ATP8A1: variants seen among roughly 807,000 people sequenced by gnomAD.
ATP8A1 encodes the protein ATPase phospholipid transporting 8A1, also known as phospholipid-transporting ATPase IA.
A neutral mutation model predicts 177.7 loss-of-function variants in ATP8A1; 90 were observed. That is an observed-to-expected ratio of 0.51 (90% CI 0.43 to 0.60). ATP8A1 has a LOEUF of 0.60. ATP8A1 is among the 20% of genes least tolerant of loss of function. The probability of loss-of-function intolerance (pLI) is 0.00; values close to 1 mark genes in which losing one functional copy is unlikely to be tolerated. For synonymous variants in ATP8A1, 493 were observed against 485.9 expected (o/e 1.01, Z -0.19); for missense variants, 1,072 against 1,392.8 (o/e 0.77, Z 3.67).
At chr4:42,473,102 G>C (rs1170096404) in intron 25 of ATP8A1, among the ~76,000 whole-genome samples, 2 of 152,178 alleles carry the variant, frequency 1.3e-5, no homozygotes, top group Non-Finnish European at 2.9e-5. Context: ...TGAAAAGTTG[G>C]AATTGGACTT....
At chr4:42,566,458 T>C (rs553596471) in intron 15 of ATP8A1, among the ~76,000 whole-genome samples, 10 of 152,300 alleles carry the variant, frequency 6.6e-5, no homozygotes, top group Non-Finnish European at 7.4e-5. Flanking sequence ...GATCACACTT[T>C]TGATCTTGGT....
At chr4:42,649,608 T>C (rs144582907) in intron 1 of ATP8A1, among the ~76,000 whole-genome samples, 73 of 152,276 alleles carry the variant, frequency 4.8e-4, no homozygotes, top group African/African-American at 1.7e-3. Flanking sequence ...AGTTAAGCTC[T>C]TCCATTAAAA....
intron 15 of ATP8A1, among the ~76,000 whole-genome samples, chr4:42,558,066 A>AC (rs1730433065): frequency 6.6e-6 from 1 of 151,736 alleles, no homozygotes; most frequent in Admixed American, 6.6e-5. Flanking sequence ...AAAAACAAAA[A>AC]AACCAGAAAC....
intron 22 of ATP8A1, among the ~76,000 whole-genome samples, chr4:42,520,140 G>A (rs1441374407): frequency 2.0e-5 from 3 of 152,118 alleles, no homozygotes; most frequent in East Asian, 1.9e-4. Context: ...AAAAACTCTA[G>A]GGCATCCAGA....
intron 30 of ATP8A1, among the ~76,000 whole-genome samples, chr4:42,447,318 G>A (rs1295363598): frequency 2.0e-5 from 3 of 152,096 alleles, no homozygotes; most frequent in Admixed American, 2.0e-4. Context: ...GAGTAGCTGG[G>A]ATTATAGGTG....
At chr4:42,500,207 A>C (rs1211671001) in intron 24 of ATP8A1, among the ~76,000 whole-genome samples, 2 of 152,274 alleles carry the variant, frequency 1.3e-5, no homozygotes, top group African/African-American at 2.4e-5. Context: ...TCTACTAAAA[A>C]TACAAAAATT....
chr4:42,501,165 C>T (rs1212899913), intron 24 of ATP8A1, among the ~76,000 whole-genome samples: 49 of 152,106 alleles, frequency 3.2e-4, no homozygotes, highest in Non-Finnish European at 4.4e-5. Flanking sequence ...ACAGTTGTAA[C>T]TTGCCACCTT....
At chr4:42,555,139 AATCTATCT>A (rs1553903247) in intron 16 of ATP8A1, among the ~76,000 whole-genome samples, 1,231 of 59,226 alleles carry the variant, frequency 0.021, 15 homozygotes, top group African/African-American at 0.024. Context: ...CTATCTATCT[AATCTATCT>A]ATCTATCTAT....
intron 1 of ATP8A1, among the ~76,000 whole-genome samples, chr4:42,634,387 C>T (rs77708090): frequency 0.024 from 3,672 of 152,216 alleles, 155 homozygotes; most frequent in African/African-American, 0.081. Flanking sequence ...ATGTATTGTT[C>T]AAATTAATTT....
At chr4:42,532,429 T>A (rs1560428874) in intron 20 of ATP8A1, among the ~76,000 whole-genome samples, 3 of 151,940 alleles carry the variant, frequency 2.0e-5, no homozygotes, top group Non-Finnish European at 4.4e-5. Context: ...GAGGTTGTAG[T>A]GAGCTGAGAT....
At chr4:42,600,822 G>T (rs1300652770) in intron 5 of ATP8A1, among the ~76,000 whole-genome samples, 1 of 152,080 alleles carries the variant, frequency 6.6e-6, no homozygotes, top group Non-Finnish European at 1.5e-5. Context: ...CAAAAATGAT[G>T]TGAAAAAGGA....
intron 31 of ATP8A1, among the ~76,000 whole-genome samples, chr4:42,444,889 C>A (rs769257365): frequency 6.6e-6 from 1 of 152,204 alleles, no homozygotes; most frequent in East Asian, 1.9e-4. Flanking sequence ...ACAGCCTGAC[C>A]CTCCATCCAC....
At chr4:42,528,979 TG>T (rs775335847) in intron 20 of ATP8A1, among the ~76,000 whole-genome samples, 39 of 152,330 alleles carry the variant, frequency 2.6e-4, no homozygotes, top group Non-Finnish European at 4.6e-4. Flanking sequence ...TTGTTGCATT[TG>T]GCCCCTCCTA....
chr4:42,417,710 T>C (rs900400584), intron 35 of ATP8A1, among the ~76,000 whole-genome samples: 2 of 152,240 alleles, frequency 1.3e-5, no homozygotes, highest in African/African-American at 2.4e-5. Flanking sequence ...TTTGTCTACA[T>C]ATTGAGTTGA....
At chr4:42,444,779 G>A in intron 31 of ATP8A1, 145 bp from the exon 32 acceptor site, 2 of 828,448 alleles carry the variant, frequency 2.4e-6, no homozygotes, top group Non-Finnish European at 3.8e-6. Context: ...AACCAGCAAA[G>A]AGACAGGTAA....
In ATP8A1 at chr4:42,464,218, TA is replaced by T. The variant is rs570450842; in HGVS notation, c.2619+471del. Among the ~76,000 whole-genome samples the T allele has an allele frequency of 2.6e-4, 40 of 151,694 alleles. No individual in the cohort carries two copies. The East Asian group carries it at 7.2e-3, about 27-fold the overall frequency. On this transcript the variant is annotated intron_variant, in intron 27 of 36. Transcript: ENST00000381668. ...TTCAACACTTCTTATCAAAGCAACA[TA>T]ACATTTTTAGCTAGAATTTAAACAT...
intron 14 of ATP8A1, among the ~76,000 whole-genome samples, chr4:42,571,864 C>T (rs1199104715): frequency 1.3e-5 from 2 of 152,084 alleles, no homozygotes; most frequent in South Asian, 2.1e-4. Context: ...CAATTTGGGG[C>T]GAAGGTTCAG....
At position 42,408,454 on chromosome 4, in the gene ATP8A1, A is replaced by G. The variant is rs998331243; in HGVS notation, c.*4462T>C. 4.6e-5 allele frequency: 7 copies of G among 152,236 alleles called. No individual in the cohort carries two copies. Among genetic ancestry groups the G allele is most frequent in the Non-Finnish European group, 1.0e-4 (7 of 68,030 alleles). The allele number at this position is 152,236 out of a possible 1,614,324, so 9.4% of individuals were successfully genotyped here. A position where few individuals can be genotyped will look rare whatever the true frequency, so the allele number is the denominator to read the frequency against. On this transcript the variant is annotated 3_prime_UTR_variant, in exon 37 of 37. Coordinates refer to ENST00000381668, the MANE Select transcript of ATP8A1 (RefSeq NM_006095.2). ...TTAAAATTTGCAGTTTAAAACATGCACATTCACAAAAGGCCAATGACACAT... is the reference window on the plus strand; with the variant it reads ...TTAAAATTTGCAGTTTAAAACATGCGCATTCACAAAAGGCCAATGACACAT...
intron 5 of ATP8A1, among the ~76,000 whole-genome samples, chr4:42,614,636 T>C (rs977764151): frequency 1.3e-5 from 2 of 152,144 alleles, no homozygotes; most frequent in African/African-American, 4.8e-5. Flanking sequence ...AGCGACTCAA[T>C]ATCCACAAGA....
Sources: gnomAD v4.1 joint callset for allele counts (sites outside exome capture counted in the v4.1 genomes callset) on GRCh38, gnomAD v4.1.1 for gene constraint, MANE v1.5 for transcripts, NCBI Gene and HGNC (gene_info 2026-07-23, HGNC 2026-07-21) for gene names.